SCN11A: variants seen among roughly 807,000 people sequenced by gnomAD.
The protein encoded by SCN11A is sodium voltage-gated channel alpha subunit 11, also known as sodium channel protein type 11 subunit alpha.
A neutral mutation model predicts 162.2 loss-of-function variants in SCN11A; 122 were observed. The ratio of observed to expected loss-of-function variants is 0.75; its 90% confidence interval spans 0.65 to 0.87. SCN11A has a LOEUF of 0.87. SCN11A is among the 40% of genes least tolerant of loss of function. SCN11A has a pLI of 0.00. For synonymous variants in SCN11A, 758 were observed against 751.5 expected, an observed-to-expected ratio of 1.01 and a Z score of -0.14; for missense variants, 2,015 against 2,181.6, an observed-to-expected ratio of 0.92 and a Z score of 1.52.
At chr3:38,902,081 T>C (rs1274315579) in intron 16 of SCN11A, among the ~76,000 whole-genome samples, 1 of 152,234 alleles carries the variant, frequency 6.6e-6, no homozygotes, top group Non-Finnish European at 1.5e-5. Context: ...TGGGAAGCCC[T>C]GTCCACAGAG....
intron 2 of SCN11A, among the ~76,000 whole-genome samples, chr3:39,007,744 G>A (rs898385323): frequency 2.4e-4 from 36 of 152,204 alleles, no homozygotes; most frequent in African/African-American, 7.2e-4. Context: ...CTGGCCATTA[G>A]TTTGTATTCT....
intron 2 of SCN11A, among the ~76,000 whole-genome samples, chr3:39,006,534 A>G (rs943929869): frequency 2.0e-5 from 3 of 152,152 alleles, no homozygotes; most frequent in Admixed American, 1.3e-4. Flanking sequence ...CAAACCAACC[A>G]ATAGATAAAA....
intron 27 of SCN11A, among the ~76,000 whole-genome samples, chr3:38,864,889 A>T (rs1399032469): frequency 1.3e-5 from 2 of 152,202 alleles, no homozygotes; most frequent in African/African-American, 2.4e-5. Flanking sequence ...TAAGCAAATG[A>T]AACACAGAAT....
At position 38,894,559 on chromosome 3, in the gene SCN11A, T is replaced by A; in HGVS notation, c.2809A>T (p.Ile937Phe). ...EFSGEDNAQR[I>F]TQPEPEQQAY... ...TGTTGTTCAGGCTCAGGTTGTGTGA[T>A]GCGCTGTGCATTATCTTCACCAGAA... The change falls in exon 19 of 30, where the codon ATC becomes TTC. Residue 937 changes from isoleucine (I) to phenylalanine (F), a missense_variant. Coordinates refer to ENST00000302328, the MANE Select transcript of SCN11A (RefSeq NM_001349253.2). 1.9e-6 allele frequency: 3 copies of A among 1,611,320 alleles called. No individual in the cohort carries two copies. Among genetic ancestry groups the A allele is most frequent in the Non-Finnish European group, 2.5e-6 (3 of 1,178,658 alleles).
chr3:39,005,508 T>TA (rs1472254010), intron 2 of SCN11A, among the ~76,000 whole-genome samples: 4 of 152,190 alleles, frequency 2.6e-5, no homozygotes, highest in African/African-American at 9.7e-5. Flanking sequence ...CTACCACGTG[T>TA]GAAAGTGTTT....
intron 2 of SCN11A, among the ~76,000 whole-genome samples, chr3:38,964,188 C>T (rs1046658656): frequency 6.6e-6 from 1 of 152,184 alleles, no homozygotes; most frequent in Non-Finnish European, 1.5e-5. Flanking sequence ...ACATTTGCAT[C>T]CTTGGAGCCA....
intron 4 of SCN11A, among the ~76,000 whole-genome samples, chr3:38,951,792 A>C (rs2066622700): frequency 1.3e-5 from 2 of 151,928 alleles, no homozygotes; most frequent in Non-Finnish European, 2.9e-5. Context: ...AACTAATCTG[A>C]TGGGGACGTG....
intron 2 of SCN11A, among the ~76,000 whole-genome samples, chr3:38,969,495 G>T (rs1458040226): frequency 1.3e-5 from 2 of 152,152 alleles, no homozygotes; most frequent in African/African-American, 4.8e-5. Flanking sequence ...TGAGGGAGTT[G>T]AGTTGTAGTG....
At chr3:38,997,519 T>C (rs1455003054) in intron 2 of SCN11A, among the ~76,000 whole-genome samples, 2 of 152,234 alleles carry the variant, frequency 1.3e-5, no homozygotes, top group African/African-American at 4.8e-5. Context: ...GTTTCCATAG[T>C]ACTTACTCTC....
intron 2 of SCN11A, among the ~76,000 whole-genome samples, chr3:39,002,116 G>C (rs940744300): frequency 6.6e-6 from 1 of 152,000 alleles, no homozygotes; most frequent in Non-Finnish European, 1.5e-5. Flanking sequence ...ATTGACCATA[G>C]ATGTATGAGT....
intron 29 of SCN11A, chr3:38,849,472 C>T (rs1411969278): frequency 6.6e-6 from 1 of 152,100 alleles, no homozygotes; most frequent in African/African-American, 2.4e-5. Flanking sequence ...TGCAATGCTG[C>T]AGTAGCATTA....
At chr3:38,970,261 A>G (rs188669115) in intron 2 of SCN11A, among the ~76,000 whole-genome samples, 2 of 152,296 alleles carry the variant, frequency 1.3e-5, no homozygotes, top group East Asian at 3.9e-4. Flanking sequence ...GGAATGAAAC[A>G]GATTTCAATA....
At chr3:39,048,155 T>A (rs2032229887) in intron 1 of SCN11A, among the ~76,000 whole-genome samples, 2 of 152,224 alleles carry the variant, frequency 1.3e-5, no homozygotes, top group South Asian at 4.1e-4. Flanking sequence ...GAAAATGTGG[T>A]ACATATATGC....
Position 38,907,967 on chromosome 3 carries a change from A to T in SCN11A, c.1455T>A (p.Asp485Glu). Residue 485 changes from aspartate (D) to glutamate (E), a missense_variant, in exon 14 of 30, where the codon GAT (aspartate) becomes GAA (glutamate). Asp to Glu is a conservative substitution (Grantham distance 45, BLOSUM62 2). Transcript: ENST00000302328. Reference protein sequence around the residue: ...GKDQPPGSDSDEDCQKKPQLL... With the variant: ...GKDQPPGSDSEEDCQKKPQLL... ...GACTTACCTTTTTTTGGCAATCTTCATCAGAATCTGACCCAGGAGGCTGGT... is the reference window on the plus strand; with the variant it reads ...GACTTACCTTTTTTTGGCAATCTTCTTCAGAATCTGACCCAGGAGGCTGGT... 6.2e-7 allele frequency: 1 copy of T among 1,603,066 alleles called. No homozygotes were observed. Among genetic ancestry groups the T allele is most frequent in the Non-Finnish European group, 8.5e-7 (1 of 1,177,470 alleles).
At chr3:38,858,030 C>T (rs925780643) in intron 28 of SCN11A, among the ~76,000 whole-genome samples, 1 of 151,804 alleles carries the variant, frequency 6.6e-6, no homozygotes, top group Non-Finnish European at 1.5e-5. Flanking sequence ...TGAAATACAC[C>T]AAAACAAAAC....
intron 19 of SCN11A, among the ~76,000 whole-genome samples, chr3:38,889,808 A>T (rs1009327415): frequency 4.5e-5 from 1 of 22,290 alleles, no homozygotes; most frequent in African/African-American, 4.2e-4. Flanking sequence ...TCAAAAAAAT[A>T]AAATAAAATA....
At chr3:38,870,288 G>A (rs942414366) in intron 26 of SCN11A, among the ~76,000 whole-genome samples, 2 of 152,180 alleles carry the variant, frequency 1.3e-5, no homozygotes, top group African/African-American at 4.8e-5. Context: ...GGTCTCCCTT[G>A]CAAATTTAGT....
chr3:38,951,161 C>G (rs919591527), intron 4 of SCN11A, among the ~76,000 whole-genome samples: 8 of 152,220 alleles, frequency 5.3e-5, no homozygotes, highest in Non-Finnish European at 1.2e-4. Context: ...GGGAGAGGCG[C>G]GAGCGGGAAC....
chr3:38,970,046 C>CT (rs2066807289), intron 2 of SCN11A, among the ~76,000 whole-genome samples: 1 of 150,500 alleles, frequency 6.6e-6, no homozygotes. Flanking sequence ...CTTGCGGCCC[C>CT]TGGCTTCTGG....
Sources: allele counts gnomAD v4.1 joint callset (sites outside exome capture counted in the v4.1 genomes callset), GRCh38; gene constraint gnomAD v4.1.1; transcripts MANE v1.5; gene names NCBI Gene and HGNC (gene_info 2026-07-23, HGNC 2026-07-21).